KCNJ12: variants seen among roughly 807,000 people sequenced by gnomAD.
KCNJ12 encodes ATP-sensitive inward rectifier potassium channel 12.
A neutral mutation model predicts 22.3 loss-of-function variants in KCNJ12; 2 were observed. That is an observed-to-expected ratio of 0.09 (90% CI 0.04 to 0.28). The LOEUF is 0.28. Among genes scored for constraint, KCNJ12 ranks in the 10% least tolerant of loss-of-function variants. KCNJ12 has a pLI of 1.00. For synonymous variants in KCNJ12, 117 were observed against 261.4 expected, an observed-to-expected ratio of 0.45 and a Z score of 5.33; for missense variants, 155 against 633.3, an observed-to-expected ratio of 0.24 and a Z score of 8.11.
chr17:21,409,413 C>A (rs1460101625), intron 2 of KCNJ12, among the ~76,000 whole-genome samples: 3 of 152,266 alleles, frequency 2.0e-5, no homozygotes, highest in African/African-American at 7.2e-5. Context: ...GCCCAGGAGA[C>A]AAAGGTTCCA....
At chr17:21,393,329 G>A (rs900034553) in intron 1 of KCNJ12, among the ~76,000 whole-genome samples, 1 of 152,160 alleles carries the variant, frequency 6.6e-6, no homozygotes, top group Middle Eastern at 3.2e-3. Context: ...AGCCCTCAGA[G>A]GCCCTGCTTC....
intron 1 of KCNJ12, among the ~76,000 whole-genome samples, chr17:21,385,423 G>C (rs1416813286): frequency 1.3e-5 from 2 of 152,198 alleles, no homozygotes; most frequent in African/African-American, 4.8e-5. Flanking sequence ...GCAGCTTCCT[G>C]GCCTCCTTGA....
chr17:21,417,955 A>G lies in KCNJ12; in HGVS notation c.*1311A>G, dbSNP rs2362326. ...GAGGAATCGCCACCCCCTCCTGCCA[A>G]CTGGGATGACTGGGGAGGGCCACGC... On this transcript the variant is annotated 3_prime_UTR_variant, in exon 3 of 3. Coordinates refer to ENST00000583088, the MANE Select transcript of KCNJ12 (RefSeq NM_021012.5). 6.0e-6 allele frequency: 1 copy of G among 167,208 alleles called. No individual in the cohort carries two copies. The allele number at this position is 167,208 out of a possible 1,614,324, so 10.4% of individuals were successfully genotyped here.
chr17:21,392,572 C>A (rs1485301372), intron 1 of KCNJ12, among the ~76,000 whole-genome samples: 1 of 152,250 alleles, frequency 6.6e-6, no homozygotes, highest in African/African-American at 2.4e-5. Context: ...CCGGCACTGG[C>A]CTTGGAGGGG....
intron 1 of KCNJ12, among the ~76,000 whole-genome samples, chr17:21,378,483 C>T (rs1324116320): frequency 6.6e-6 from 1 of 152,140 alleles, no homozygotes; most frequent in Non-Finnish European, 1.5e-5. Flanking sequence ...GAGGGGGACC[C>T]TGGGGGCCTG....
chr17:21,406,483 G>A (rs1221297440), intron 1 of KCNJ12, among the ~76,000 whole-genome samples: 2 of 152,304 alleles, frequency 1.3e-5, no homozygotes, highest in African/African-American at 4.8e-5. Flanking sequence ...GAGAGGCAAA[G>A]TGTAGGCCTG....
chr17:21,409,761 G>A (rs2142072395), intron 2 of KCNJ12, among the ~76,000 whole-genome samples: 1 of 152,286 alleles, frequency 6.6e-6, no homozygotes, highest in East Asian at 1.9e-4. Context: ...GAGGTGGTAA[G>A]GGCCTAGGAT....
chr17:21,417,235 G>A lies in KCNJ12; in HGVS notation c.*591G>A, dbSNP rs1375741534. The A allele has an allele frequency of 1.8e-5, 3 of 167,508 alleles. No individual in the cohort carries two copies. The highest frequency in any genetic ancestry group is 4.4e-5 in the Non-Finnish European group (3 of 68,480). 10.4% of individuals were successfully genotyped at this position (167,508 alleles called of 1,614,324 possible). A position where few individuals can be genotyped will look rare whatever the true frequency, so the allele number is the denominator to read the frequency against. On this transcript the variant is annotated 3_prime_UTR_variant, in exon 3 of 3. Transcript: ENST00000583088. Reference sequence around the variant, plus strand: ...GTGGGACTGGCCTCTCCCCGTGTGTGTGGGCACCACAGTCCCTGGGCAAGC... The same window carrying A: ...GTGGGACTGGCCTCTCCCCGTGTGTATGGGCACCACAGTCCCTGGGCAAGC...
chr17:21,379,893 G>A (rs1904806488), intron 1 of KCNJ12, among the ~76,000 whole-genome samples: 1 of 152,122 alleles, frequency 6.6e-6, no homozygotes, highest in African/African-American at 2.4e-5. Flanking sequence ...CCAGCCCTGG[G>A]TCAGCTGACT....
chr17:21,385,989 C>T (rs1905058165), intron 1 of KCNJ12, among the ~76,000 whole-genome samples: 1 of 152,210 alleles, frequency 6.6e-6, no homozygotes, highest in Non-Finnish European at 1.5e-5. Context: ...AGCACTGGGG[C>T]AGGAGTCTGG....
At chr17:21,391,811 C>T (rs941580943) in intron 1 of KCNJ12, among the ~76,000 whole-genome samples, 1 of 152,234 alleles carries the variant, frequency 6.6e-6, no homozygotes, top group African/African-American at 2.4e-5. Context: ...GTGGTCCCCC[C>T]ACCCCAGTCT....
chr17:21,412,614 C>T (rs1906426800), intron 2 of KCNJ12, among the ~76,000 whole-genome samples: 1 of 152,306 alleles, frequency 6.6e-6, no homozygotes, highest in African/African-American at 2.4e-5. Flanking sequence ...AGCCCCCTTC[C>T]CAGCACAGCC....
chr17:21,381,532 T>G (rs1904868302), intron 1 of KCNJ12, among the ~76,000 whole-genome samples: 1 of 151,824 alleles, frequency 6.6e-6, no homozygotes, highest in African/African-American at 2.4e-5. Flanking sequence ...TCAGGCCCAC[T>G]CCTACCTCAG....
Position 21,419,213 on chromosome 17 carries a change from A to ATGCATACATGTGTGG in KCNJ12, c.*2574_*2588dup, listed in dbSNP as rs1172859409. On this transcript the variant is annotated 3_prime_UTR_variant, in exon 3 of 3. Coordinates refer to ENST00000583088, the MANE Select transcript of KCNJ12 (RefSeq NM_021012.5). ...GAGGCGTGTGCCTGTGTGAGCCTGCATGCATACATGTGTGGTGCACACATG... is the reference window on the plus strand; with the variant it reads ...GAGGCGTGTGCCTGTGTGAGCCTGCATGCATACATGTGTGGTGCATACATGTGTGGTGCACACATG... 6.0e-6 allele frequency: 1 copy of ATGCATACATGTGTGG among 166,792 alleles called. No individual in the cohort carries two copies. Among genetic ancestry groups the ATGCATACATGTGTGG allele is most frequent in the Non-Finnish European group, 1.5e-5 (1 of 68,096 alleles). 10.3% of individuals were successfully genotyped at this position (166,792 alleles called of 1,614,324 possible).
intron 1 of KCNJ12, among the ~76,000 whole-genome samples, chr17:21,388,823 C>A (rs1905137850): frequency 6.6e-6 from 1 of 152,178 alleles, no homozygotes; most frequent in Non-Finnish European, 1.5e-5. Context: ...GATTTGAACC[C>A]CAATCGGGAA....
At chr17:21,390,302 A>G (rs1555559161) in intron 1 of KCNJ12, among the ~76,000 whole-genome samples, 1 of 152,052 alleles carries the variant, frequency 6.6e-6, no homozygotes, top group East Asian at 1.9e-4. Context: ...GAATCCTTCC[A>G]AAGGTGGCGA....
At position 21,382,819 on chromosome 17, in the gene KCNJ12, G is replaced by A. The variant is rs541830883; in HGVS notation, c.-179+5906G>A. On this transcript the variant is annotated intron_variant, in intron 1 of 2. Transcript: ENST00000583088. Reference sequence around the variant, plus strand: ...CTCCTGGGGCTCACCTGGGGAGTGGGGGCAGAAAAGGAAACCAGGTAACAT... The same window carrying A: ...CTCCTGGGGCTCACCTGGGGAGTGGAGGCAGAAAAGGAAACCAGGTAACAT... 2.0e-5 allele frequency among the ~76,000 whole-genome samples: 3 copies of A among 152,258 alleles called. No individual in the cohort carries two copies. In the South Asian group the frequency reaches 6.2e-4, roughly 32 times the overall value.
At chr17:21,387,917 C>T (rs1905117782) in intron 1 of KCNJ12, among the ~76,000 whole-genome samples, 1 of 152,108 alleles carries the variant, frequency 6.6e-6, no homozygotes, top group South Asian at 2.1e-4. Flanking sequence ...CTGCTGTGCC[C>T]CCCGAGGGTC....
intron 1 of KCNJ12, chr17:21,405,219 C>G (rs1417231831): frequency 6.5e-6 from 1 of 152,680 alleles, no homozygotes; most frequent in African/African-American, 2.4e-5. Context: ...CACGTGGTGT[C>G]AGGAACGCCG....
Sources: allele counts gnomAD v4.1 joint callset (sites outside exome capture counted in the v4.1 genomes callset), GRCh38; gene constraint gnomAD v4.1.1; transcripts MANE v1.5; gene names NCBI Gene and HGNC (gene_info 2026-07-23, HGNC 2026-07-21).